NYAP2: variants seen among roughly 807,000 people sequenced by gnomAD.
NYAP2 encodes the protein neuronal tyrosine-phosphorylated phosphoinositide-3-kinase adapter 2.
Under a neutral mutation model 50.4 loss-of-function variants are expected in NYAP2, and 23 were observed. The ratio of observed to expected loss-of-function variants is 0.46; its 90% confidence interval spans 0.33 to 0.65. The LOEUF (loss-of-function observed/expected upper bound fraction) is 0.65. Ranked by LOEUF, NYAP2 falls within the 30% of genes least tolerant of loss-of-function variation. The pLI is 0.02. For missense variants in NYAP2, 885 were observed against 861.0 expected (o/e 1.03, Z -0.35); for synonymous variants, 394 against 365.2 (o/e 1.08, Z -0.90).
chr2:225,503,415 G>A lies in NYAP2; in HGVS notation c.222-9956G>A, dbSNP rs556674913. 1.8e-4 allele frequency among the ~76,000 whole-genome samples: 28 copies of A among 152,200 alleles called. No homozygotes were observed. In the South Asian group the frequency reaches 4.6e-3, roughly 25 times the overall value. ...TTTTAATTTTAGATTCCAAAGTACC[G>A]TAGATAATAACATATGTTAATCTTA... On this transcript the variant is annotated intron_variant, in intron 3 of 6. Transcript: ENST00000636099.
chr2:225,526,339 A>G (rs1348707233), intron 4 of NYAP2, among the ~76,000 whole-genome samples: 1 of 152,196 alleles, frequency 6.6e-6, no homozygotes, highest in Non-Finnish European at 1.5e-5. Flanking sequence ...CAAATAGCAG[A>G]TGCTTGATAA....
Position 225,451,169 on chromosome 2 carries a change from G to T in NYAP2, c.221+42068G>T, listed in dbSNP as rs556181447. Among the ~76,000 whole-genome samples the T allele has an allele frequency of 3.3e-5, 5 of 152,254 alleles. No homozygotes were observed. In the East Asian group the frequency reaches 9.7e-4, roughly 29 times the overall value. ...TTCATCTTTGGCAAGGGAAGGAACA[G>T]GTGAACAAAATGAGGAAAACTTGGA... On this transcript the variant is annotated intron_variant, in intron 3 of 6. Transcript: ENST00000636099.
chr2:225,567,756 A>G (rs924457926), intron 4 of NYAP2, among the ~76,000 whole-genome samples: 1 of 152,290 alleles, frequency 6.6e-6, no homozygotes, highest in Admixed American at 6.5e-5. Flanking sequence ...AAGTCTGAAC[A>G]TACACATATC....
chr2:225,444,590 C>T (rs1416825049), intron 3 of NYAP2, among the ~76,000 whole-genome samples: 3 of 152,122 alleles, frequency 2.0e-5, no homozygotes, highest in African/African-American at 7.2e-5. Context: ...CAATCAACTT[C>T]CTTGGAGAAA....
At chr2:225,522,825 C>A (rs1399691932) in intron 4 of NYAP2, among the ~76,000 whole-genome samples, 1 of 152,130 alleles carries the variant, frequency 6.6e-6, no homozygotes, top group Non-Finnish European at 1.5e-5. Flanking sequence ...GCATGACAAA[C>A]ACGTGCCTTT....
upstream of NYAP2, among the ~76,000 whole-genome samples, chr2:225,398,130 C>T (rs112832854): frequency 5.6e-3 from 844 of 152,050 alleles, 6 homozygotes; most frequent in African/African-American, 0.018. Flanking sequence ...AGCCTCTCCT[C>T]ACTTTGTTTG....
intron 6 of NYAP2, among the ~76,000 whole-genome samples, chr2:225,631,638 A>C (rs1693317253): frequency 6.6e-6 from 1 of 152,190 alleles, no homozygotes; most frequent in African/African-American, 2.4e-5. Flanking sequence ...CTACCCTTCT[A>C]CTACTTTTCA....
intron 4 of NYAP2, among the ~76,000 whole-genome samples, chr2:225,530,164 AT>A (rs1170268558): frequency 2.0e-5 from 3 of 152,134 alleles, no homozygotes; most frequent in African/African-American, 7.2e-5. Flanking sequence ...CATCTCATAG[AT>A]TTAATAGTAA....
intron 3 of NYAP2, among the ~76,000 whole-genome samples, chr2:225,481,723 A>G (rs1188561434): frequency 6.6e-6 from 1 of 152,196 alleles, no homozygotes; most frequent in Non-Finnish European, 1.5e-5. Context: ...TGCAAAATAG[A>G]TGAAGTTTGT....
intron 4 of NYAP2, among the ~76,000 whole-genome samples, chr2:225,570,691 G>A (rs886301706): frequency 3.3e-5 from 5 of 152,168 alleles, no homozygotes; most frequent in African/African-American, 9.7e-5. Flanking sequence ...GGAACTATAA[G>A]ATGAGATTTG....
At chr2:225,527,347 C>T (rs549495221) in intron 4 of NYAP2, among the ~76,000 whole-genome samples, 63 of 152,208 alleles carry the variant, frequency 4.1e-4, no homozygotes, top group African/African-American at 1.4e-3. Context: ...AAGCAACATA[C>T]CTCTATTAGT....
At chr2:225,544,957 T>G (rs1691545697) in intron 4 of NYAP2, among the ~76,000 whole-genome samples, 1 of 152,222 alleles carries the variant, frequency 6.6e-6, no homozygotes, top group Non-Finnish European at 1.5e-5. Flanking sequence ...CTAGACATAC[T>G]ATTCTAGGGT....
chr2:225,662,468 A>G, the NYAP2 span, among the ~76,000 whole-genome samples: 1 of 152,350 alleles, frequency 6.6e-6, no homozygotes, highest in South Asian at 2.1e-4. Flanking sequence ...AAAGACCAAG[A>G]CGTATTCACC....
At chr2:225,416,632 A>T (rs1695127179) in intron 3 of NYAP2, among the ~76,000 whole-genome samples, 1 of 152,188 alleles carries the variant, frequency 6.6e-6, no homozygotes, top group African/African-American at 2.4e-5. Context: ...CATTTAAAAA[A>T]GTTCCTTTAA....
rs181816776 is a variant in NYAP2 at position 225,610,673 on chromosome 2, G to A, written c.1619-16244G>A. 1.6e-4 allele frequency among the ~76,000 whole-genome samples: 25 copies of A among 152,248 alleles called. No homozygotes were observed. The East Asian group carries it at 4.6e-3, about 28-fold the overall frequency. On this transcript the variant is annotated intron_variant, in intron 5 of 6. Coordinates refer to ENST00000636099, the Ensembl canonical transcript of NYAP2. ...TATTCTGAATTTCAGCCCCATCTCTGCCAGCAACAGGCTATCAGTAGGCCA... is the reference window on the plus strand; with the variant it reads ...TATTCTGAATTTCAGCCCCATCTCTACCAGCAACAGGCTATCAGTAGGCCA...
exon 6 of NYAP2, chr2:225,626,978 C>G (rs746976043): frequency 6.3e-7 from 1 of 1,587,112 alleles, no homozygotes; most frequent in Non-Finnish European, 8.6e-7. Flanking sequence ...AGTTGGACAA[C>G]AAGGAAAGAG....
At chr2:225,408,833 G>A (rs1156354188) in intron 2 of NYAP2, 31 bp from the exon 3 acceptor site, 1 of 1,342,426 alleles carries the variant, frequency 7.4e-7, no homozygotes. Flanking sequence ...CCCCACCCTG[G>A]ATAAAAGTAA....
At chr2:225,537,155 C>A (rs922125987) in intron 4 of NYAP2, among the ~76,000 whole-genome samples, 1 of 152,136 alleles carries the variant, frequency 6.6e-6, no homozygotes, top group Admixed American at 6.6e-5. Flanking sequence ...CCATCCCAGC[C>A]TCTGGTAATC....
intron 3 of NYAP2, among the ~76,000 whole-genome samples, chr2:225,448,688 C>A (rs749055862): frequency 1.3e-5 from 2 of 152,210 alleles, no homozygotes; most frequent in Non-Finnish European, 2.9e-5. Flanking sequence ...CTCACACTTT[C>A]AGCTGCAACT....
Sources: gnomAD v4.1 joint callset for allele counts (sites outside exome capture counted in the v4.1 genomes callset) on GRCh38, gnomAD v4.1.1 for gene constraint, MANE v1.5 for transcripts, NCBI Gene and HGNC (gene_info 2026-07-23, HGNC 2026-07-21) for gene names.